The following SPATA13 variants were observed in gnomAD, a reference collection of about 807,000 sequenced individuals.
SPATA13 encodes spermatogenesis associated 13.
Under a neutral mutation model 104.0 loss-of-function variants are expected in SPATA13, and 50 were observed. That is an observed-to-expected ratio of 0.48 (90% CI 0.38 to 0.61). The LOEUF (loss-of-function observed/expected upper bound fraction) is 0.61, where lower values mean the gene tolerates loss of function less well. SPATA13 is among the 20% of genes least tolerant of loss of function. The pLI is 0.00. For synonymous variants in SPATA13, 606 were observed against 667.5 expected, an observed-to-expected ratio of 0.91 and a Z score of 1.42; for missense variants, 1,524 against 1,690.6, an observed-to-expected ratio of 0.90 and a Z score of 1.73.
intron 2 of SPATA13, among the ~76,000 whole-genome samples, chr13:24,001,388 T>G (rs1875961147): frequency 6.6e-6 from 1 of 151,814 alleles, no homozygotes; most frequent in Admixed American, 6.6e-5. Flanking sequence ...GACACCTGCT[T>G]CTTCTGAGAA....
intron 2 of SPATA13, among the ~76,000 whole-genome samples, chr13:24,008,790 T>C (rs931043226): frequency 6.6e-6 from 1 of 151,908 alleles, no homozygotes; most frequent in Admixed American, 6.6e-5. Context: ...ACTGCCCCCA[T>C]CCCCTGATGG....
chr13:24,058,267 A>G (rs930002836), intron 3 of SPATA13, among the ~76,000 whole-genome samples: 1 of 151,922 alleles, frequency 6.6e-6, no homozygotes, highest in Non-Finnish European at 1.5e-5. Context: ...TGATATTGTT[A>G]TCTGGGTATC....
chr13:24,132,846 C>T (rs1468804193), intron 3 of SPATA13, among the ~76,000 whole-genome samples: 2 of 152,112 alleles, frequency 1.3e-5, no homozygotes, highest in African/African-American at 2.4e-5. Flanking sequence ...TGGTGGCACA[C>T]GTCTGTAGTT....
In SPATA13 at chr13:24,046,638, A is replaced by G. The variant is rs1043590529; in HGVS notation, c.-112+28937A>G. On this transcript the variant is annotated intron_variant, in intron 3 of 14. Coordinates refer to the SPATA13 transcript ENST00000424834. ...GCAAGAGTTTGTTATTAGTTCCTGT[A>G]GCTGTATAGATGTCCAATGTATAAT... Among the ~76,000 whole-genome samples, 8 of 151,724 alleles carry G rather than the reference A, an allele frequency of 5.3e-5. 1 individual carries two copies. In the South Asian group the frequency reaches 1.0e-3, roughly 20 times the overall value.
chr13:24,084,235 A>G lies in SPATA13; in HGVS notation c.-112+66534A>G, dbSNP rs564310340. Among the ~76,000 whole-genome samples, 4 of 152,274 alleles carry G rather than the reference A, an allele frequency of 2.6e-5. No homozygotes were observed. In the East Asian group the frequency reaches 7.7e-4, roughly 29 times the overall value. On this transcript the variant is annotated intron_variant, in intron 3 of 14. Coordinates refer to the SPATA13 transcript ENST00000424834. ...GCGTTGGGGAGATGTGGGTGGAAAG[A>G]GGGGAAAAGGGCCCCAGGTGCAGTC...
intron 3 of SPATA13, among the ~76,000 whole-genome samples, chr13:24,031,117 T>C (rs1877464260): frequency 6.6e-6 from 1 of 152,206 alleles, no homozygotes; most frequent in African/African-American, 2.4e-5. Flanking sequence ...ATTTATTTAG[T>C]TGTGGCTGAT....
rs931095423 is a variant in SPATA13, at chr13:24,009,048, G to A, written c.-146-8619G>A. Among the ~76,000 whole-genome samples the A allele has an allele frequency of 4.6e-5, 7 of 152,226 alleles. 1 individual carries two copies. Among genetic ancestry groups the A allele is most frequent in the Non-Finnish European group, 7.3e-5 (5 of 68,042 alleles). Reference sequence around the variant, plus strand: ...CTGCCAGGGGCATGCCATCCATCACGTGGGGTAGGTCTCTTTGCTGTGGGT... The same window carrying A: ...CTGCCAGGGGCATGCCATCCATCACATGGGGTAGGTCTCTTTGCTGTGGGT... On this transcript the variant is annotated intron_variant, in intron 2 of 14. Coordinates refer to the SPATA13 transcript ENST00000424834.
chr13:23,995,913 C>T (rs1392793384), intron 2 of SPATA13, among the ~76,000 whole-genome samples: 2 of 152,100 alleles, frequency 1.3e-5, no homozygotes, highest in African/African-American at 4.8e-5. Flanking sequence ...ACCCTGATAG[C>T]ATGTGTTTTG....
At chr13:24,295,962 G>A (rs1453023091) in intron 10 of SPATA13, among the ~76,000 whole-genome samples, 1 of 152,128 alleles carries the variant, frequency 6.6e-6, no homozygotes, top group Non-Finnish European at 1.5e-5. Flanking sequence ...AGTCCGTGCT[G>A]GTGATCACTG....
chr13:24,104,247 T>G (rs1050121245), intron 3 of SPATA13, among the ~76,000 whole-genome samples: 12 of 151,996 alleles, frequency 7.9e-5, no homozygotes, highest in African/African-American at 2.9e-4. Context: ...GGGTTTTTTT[T>G]TTTTGTTTTT....
chr13:24,166,820 T>C (rs1318630535), intron 1 of SPATA13, among the ~76,000 whole-genome samples: 1 of 152,246 alleles, frequency 6.6e-6, no homozygotes, highest in Non-Finnish European at 1.5e-5. Flanking sequence ...TAATCCTCTT[T>C]TATGAGGGCA....
intron 2 of SPATA13, among the ~76,000 whole-genome samples, chr13:23,991,996 A>C (rs187865326): frequency 1.3e-5 from 2 of 152,214 alleles, no homozygotes; most frequent in African/African-American, 2.4e-5. Context: ...GCCATTGTTG[A>C]GTGGTTACTA....
intron 2 of SPATA13, among the ~76,000 whole-genome samples, chr13:24,225,964 G>A (rs2138617124): frequency 6.6e-6 from 1 of 152,354 alleles, no homozygotes; most frequent in South Asian, 2.1e-4. Context: ...GCAAGGCTGA[G>A]AAGAGCTTTA....
At position 24,211,090 on chromosome 13, in the gene SPATA13, G is replaced by A. The variant is rs184696121; in HGVS notation, c.-111-11729G>A. ...GCAACTGAAGAAAATAAATTCAACT[G>A]ATTTTTCCATGTTGATATTTATCCT... is the stretch of plus-strand genomic sequence containing the variant. On this transcript the variant is annotated intron_variant, in intron 1 of 12. Transcript: ENST00000382108. Among the ~76,000 whole-genome samples, 10 of 152,196 alleles carry A rather than the reference G, an allele frequency of 6.6e-5. No individual in the cohort carries two copies. The East Asian group carries it at 1.9e-3, about 29-fold the overall frequency.
intron 3 of SPATA13, among the ~76,000 whole-genome samples, chr13:24,073,457 A>T (rs1879232736): frequency 6.6e-6 from 1 of 152,248 alleles, no homozygotes; most frequent in Admixed American, 6.5e-5. Context: ...TGAAGGAGGA[A>T]GTTCCACATG....
rs1039645915 is a variant in SPATA13, at chr13:24,192,441, G to A, written c.-111-30378G>A. ...CTCCTCCTGCCCCTTCAGTCTCTGTGCCAGTTCCTCTTCCTCCTCCTACCC... is the reference window on the plus strand; with the variant it reads ...CTCCTCCTGCCCCTTCAGTCTCTGTACCAGTTCCTCTTCCTCCTCCTACCC... On this transcript the variant is annotated intron_variant, in intron 1 of 12. Transcript: ENST00000382108. Among the ~76,000 whole-genome samples the A allele has an allele frequency of 1.1e-4, 16 of 152,070 alleles. No individual in the cohort carries two copies. In the East Asian group the frequency reaches 2.7e-3, roughly 26 times the overall value.
chr13:24,262,224 CTT>C (rs1200059184), intron 4 of SPATA13, among the ~76,000 whole-genome samples: 6 of 151,336 alleles, frequency 4.0e-5, no homozygotes, highest in Admixed American at 6.6e-5. Context: ...ATTACTGAAA[CTT>C]ATTTCTTTGA....
intron 1 of SPATA13, among the ~76,000 whole-genome samples, chr13:24,212,780 G>A (rs1048903700): frequency 2.0e-5 from 3 of 152,228 alleles, no homozygotes; most frequent in African/African-American, 7.2e-5. Flanking sequence ...TGGTGGATAG[G>A]CAGGCTCAGC....
At chr13:24,298,672 C>T (rs1487621549) in intron 11 of SPATA13, among the ~76,000 whole-genome samples, 2 of 152,164 alleles carry the variant, frequency 1.3e-5, no homozygotes, top group Non-Finnish European at 2.9e-5. Context: ...AGCCAGCATA[C>T]GCCCCTCCCC....
Sources: gnomAD v4.1 joint callset for allele counts (sites outside exome capture counted in the v4.1 genomes callset) on GRCh38, gnomAD v4.1.1 for gene constraint, MANE v1.5 for transcripts, NCBI Gene and HGNC (gene_info 2026-07-23, HGNC 2026-07-21) for gene names.